The following EFTUD2 variants were observed in gnomAD, a reference collection of about 807,000 sequenced individuals.
EFTUD2 encodes the protein 116 kDa U5 small nuclear ribonucleoprotein component.
Under a neutral mutation model 114.3 loss-of-function variants are expected in EFTUD2, and 9 were observed. The observed-to-expected ratio is 0.08, with a 90% CI of 0.05 to 0.14. EFTUD2 has a LOEUF of 0.14. EFTUD2 is among the 10% of genes least tolerant of loss of function. The probability of loss-of-function intolerance (pLI) is 1.00; values close to 1 mark genes in which losing one functional copy is unlikely to be tolerated. For synonymous variants in EFTUD2, 449 were observed against 462.3 expected (o/e 0.97, Z 0.37); for missense variants, 765 against 1,241.2 (o/e 0.62, Z 5.76).
At chr17:44,881,613 CT>C in intron 7 of EFTUD2, 73 bp downstream of exon 7, 1 of 1,526,318 alleles carries the variant, frequency 6.6e-7, no homozygotes, top group Non-Finnish European at 9.1e-7. Context: ...ATAAAGGCTC[CT>C]CTACATTCCC....
In EFTUD2 at chr17:44,876,021, T is replaced by A. The variant is rs1453811005; in HGVS notation, c.782A>T (p.Asp261Val). Residue 261 changes from aspartate to valine, a missense_variant, in exon 10 of 28, where the codon GAC becomes GTC. Transcript: ENST00000426333. Reference protein sequence around the residue: ...LAVTVCINKIDRLILELKLPP... With the variant: ...LAVTVCINKIVRLILELKLPP... Reference sequence around the variant, plus strand: ...CAGCTTCAGCTCCAGGATCAGCCGGTCAATCTTGTTGATGCACACAGTGAC... The same window carrying A: ...CAGCTTCAGCTCCAGGATCAGCCGGACAATCTTGTTGATGCACACAGTGAC... 1 of 1,614,038 alleles carries A rather than the reference T, an allele frequency of 6.2e-7. No individual in the cohort carries two copies. The highest frequency in any genetic ancestry group is 2.2e-5 in the East Asian group (1 of 44,882).
At chr17:44,885,694 A>T (rs1268774316) in intron 3 of EFTUD2, among the ~76,000 whole-genome samples, 1 of 152,040 alleles carries the variant, frequency 6.6e-6, no homozygotes, top group Non-Finnish European at 1.5e-5. Context: ...ACAGGGTTTC[A>T]CTGTTACCCA....
At chr17:44,897,967 G>A (rs1294092095) in intron 1 of EFTUD2, among the ~76,000 whole-genome samples, 1 of 152,188 alleles carries the variant, frequency 6.6e-6, no homozygotes. Context: ...AATGTTAACT[G>A]AATGGGATGT....
rs758438398 is a variant in EFTUD2 at position 44,875,949 on chromosome 17, A to G, written c.854T>C (p.Val285Ala). Reference protein sequence around the residue: ...YYKLRHIVDEVNGLISMYSTD... With the variant: ...YYKLRHIVDEANGLISMYSTD... ...GGTTTTCTACCTTATTAATCCATTG[A>G]CCTCATCCACAATGTGGCGCAGCTT... is the stretch of plus-strand genomic sequence containing the variant. Residue 285 changes from valine to alanine, a missense_variant, in exon 10 of 28, where the codon GTC becomes GCC. Physicochemically the swap from Val to Ala is moderately conservative, Grantham distance 64 (BLOSUM62 0). Transcript: ENST00000426333. 3.7e-6 allele frequency: 6 copies of G among 1,613,906 alleles called. No individual in the cohort carries two copies. Among genetic ancestry groups the G allele is most frequent in the Non-Finnish European group, 4.2e-6 (5 of 1,179,982 alleles).
rs113021806 is a variant in EFTUD2, at chr17:44,897,561, ATTTTTATT to A, written c.-5+1800_-5+1807del. 4.6e-5 allele frequency among the ~76,000 whole-genome samples: 7 copies of A among 151,994 alleles called. No individual in the cohort carries two copies. The South Asian group carries it at 6.2e-4, about 14-fold the overall frequency. ...TCCTCCAGCTAAGAATGCATTTTACATTTTTATTTTTTTATTTTTTTGAGACGGAGTCC... is the reference window on the plus strand; with the variant it reads ...TCCTCCAGCTAAGAATGCATTTTACATTTTTATTTTTTTGAGACGGAGTCC... On this transcript the variant is annotated intron_variant, in intron 1 of 27. Coordinates refer to ENST00000426333, the MANE Select transcript of EFTUD2 (RefSeq NM_004247.4).
At chr17:44,856,407 G>GTAAT (rs1448360839) in intron 20 of EFTUD2, among the ~76,000 whole-genome samples, 1 of 151,944 alleles carries the variant, frequency 6.6e-6, no homozygotes, top group Non-Finnish European at 1.5e-5. Flanking sequence ...GTGCGTGCAT[G>GTAAT]TAATCCCTGC....
intron 1 of EFTUD2, among the ~76,000 whole-genome samples, chr17:44,897,089 GC>G (rs1490035055): frequency 1.3e-5 from 2 of 151,802 alleles, no homozygotes; most frequent in Non-Finnish European, 2.9e-5. Flanking sequence ...GGTGGTGGGC[GC>G]CCGTAGTCCC....
chr17:44,885,169 T>C, intron 4 of EFTUD2, 87 bp downstream of exon 4: 1 of 1,002,432 alleles, frequency 1.0e-6, no homozygotes, highest in Admixed American at 2.0e-5. Context: ...ATTTACTAGC[T>C]ATTTCAGCCA....
In EFTUD2 at chr17:44,874,448, T is replaced by C. The variant is rs137964316; in HGVS notation, c.869+1486A>G. Among the ~76,000 whole-genome samples the C allele has an allele frequency of 9.3e-4, 142 of 152,300 alleles. 1 individual carries two copies. Among genetic ancestry groups the C allele is most frequent in the African/African-American group, 3.3e-3 (139 of 41,556 alleles). Reference sequence around the variant, plus strand: ...CAGAGATGGGGTGAAGATATTCCTTTTGAAAAGTAGTGCTACACACTGGGA... The same window carrying C: ...CAGAGATGGGGTGAAGATATTCCTTCTGAAAAGTAGTGCTACACACTGGGA... On this transcript the variant is annotated intron_variant, in intron 10 of 27. Coordinates refer to ENST00000426333, the MANE Select transcript of EFTUD2 (RefSeq NM_004247.4).
chr17:44,883,232 T>A, intron 5 of EFTUD2, 74 bp from the exon 6 acceptor site: 2 of 1,370,370 alleles, frequency 1.5e-6, no homozygotes, highest in East Asian at 4.7e-5. Context: ...CAGCTCCCAA[T>A]ACACCACATA....
intron 11 of EFTUD2, 120 bp from the exon 12 acceptor site, chr17:44,868,470 G>A (rs768850426): frequency 1.1e-6 from 1 of 894,058 alleles, no homozygotes; most frequent in South Asian, 1.7e-5. Flanking sequence ...CAGGGTCCAG[G>A]CAGTTCCTTC....
intron 1 of EFTUD2, chr17:44,898,881 T>C (rs1017625438): frequency 6.6e-5 from 10 of 152,210 alleles, no homozygotes; most frequent in Non-Finnish European, 1.3e-4. Context: ...CCTCAATAAG[T>C]ATTTACTGAA....
Position 44,883,132 on chromosome 17 carries a change from T to C in EFTUD2, c.453A>G (p.Glu151=). 1.2e-6 allele frequency: 2 copies of C among 1,614,126 alleles called. No homozygotes were observed. Among genetic ancestry groups the C allele is most frequent in the Non-Finnish European group, 1.7e-6 (2 of 1,180,032 alleles). Reference sequence around the variant, plus strand: ...GCTTTCTGATTTCCGGGTGAGTCTGTTCAATTAAACAATCCACAAAACATG... The same window carrying C: ...GCTTTCTGATTTCCGGGTGAGTCTGCTCAATTAAACAATCCACAAAACATG... ...GKTCFVDCLI[E]QTHPEIRKRY... is the part of the protein sequence containing the mutation. Residue 151 remains glutamate (E), a synonymous_variant, in exon 6 of 28, where the codon GAA becomes GAG. Coordinates refer to ENST00000426333, the MANE Select transcript of EFTUD2 (RefSeq NM_004247.4).
Position 44,854,855 on chromosome 17 carries a change from C to T in EFTUD2, c.2132+63G>A. 6.3e-7 allele frequency: 1 copy of T among 1,576,814 alleles called. No individual in the cohort carries two copies. Among genetic ancestry groups the T allele is most frequent in the Non-Finnish European group, 8.7e-7 (1 of 1,146,848 alleles). ...CAGAAAGATGTGTGCTCTTAGAGAC[C>T]CGGCAGTTAAACTGTGGCATCCCTG... On this transcript the variant is annotated intron_variant, in intron 21 of 27. Transcript: ENST00000426333. The surrounding 1 kb of genome is among the most constrained non-coding windows in gnomAD (Gnocchi z 4.3).
At chr17:44,865,100 G>C (rs758132086) in intron 13 of EFTUD2, 35 bp from the exon 14 acceptor site, 3 of 1,613,054 alleles carry the variant, frequency 1.9e-6, no homozygotes, top group Admixed American at 3.3e-5. Context: ...CAGCTGTAGT[G>C]AGAGCCTGAG....
At position 44,873,880 on chromosome 17, in the gene EFTUD2, C is replaced by T. The variant is rs1401546421; in HGVS notation, c.870-1310G>A. ...CTCAGTAGCTGGGATTACAGGCGCCCGCCACCAAGCCCGGCTAATTTTTTT... is the reference window on the plus strand; with the variant it reads ...CTCAGTAGCTGGGATTACAGGCGCCTGCCACCAAGCCCGGCTAATTTTTTT... On this transcript the variant is annotated intron_variant, in intron 10 of 27. Transcript: ENST00000426333. Among the ~76,000 whole-genome samples, 10 of 150,692 alleles carry T rather than the reference C, an allele frequency of 6.6e-5. 1 individual carries two copies. Among genetic ancestry groups the T allele is most frequent in the Admixed American group, 5.3e-4 (8 of 15,108 alleles).
At position 44,854,531 on chromosome 17, in the gene EFTUD2, C is replaced by T; in HGVS notation, c.2259+25G>A. On this transcript the variant is annotated intron_variant, in intron 22 of 27. Transcript: ENST00000426333. This position sits in a 1 kb window ranked among gnomAD's most constrained non-coding sequence, Gnocchi z 4.3. The stretch of plus-strand genomic sequence containing the variant: ...CACTCCAGAGGTAAGAGACCGCCAC[C>T]CAGTTCCCATCAGTTCTGCTGTACC... 1 of 1,608,468 alleles carries T rather than the reference C, an allele frequency of 6.2e-7. No homozygotes were observed. The highest frequency in any genetic ancestry group is 8.5e-7 in the Non-Finnish European group (1 of 1,176,694).
rs376157050 is a variant in EFTUD2, at chr17:44,862,735, G to A, written c.1585C>T (p.Arg529Cys). The A allele has an allele frequency of 1.9e-6, 3 of 1,613,874 alleles. No individual in the cohort carries two copies. The highest frequency in any genetic ancestry group is 2.2e-5 in the East Asian group (1 of 44,870). The change falls in exon 16 of 28, where the codon CGC becomes TGC. Residue 529 changes from arginine to cysteine, a missense_variant. Arg to Cys is a radical substitution (Grantham distance 180, BLOSUM62 -3). Transcript: ENST00000426333. ...TACCTGGCCACAGAGATCCAAAGGCGGCCCACGGTGCATATCTGGGAGTCT... is the reference window on the plus strand; with the variant it reads ...TACCTGGCCACAGAGATCCAAAGGCAGCCCACGGTGCATATCTGGGAGTCT... ...EEDSQICTVG[R>C]LWISVARYHI...
chr17:44,857,216 T>C, intron 19 of EFTUD2, 59 bp from the exon 20 acceptor site: 2 of 1,469,338 alleles, frequency 1.4e-6, no homozygotes, highest in Non-Finnish European at 1.9e-6. Flanking sequence ...AGGGCAACCA[T>C]TTACCTAAGG....
Sources: allele counts gnomAD v4.1 joint callset (sites outside exome capture counted in the v4.1 genomes callset), GRCh38; gene constraint gnomAD v4.1.1; non-coding constraint Gnocchi (gnomAD v3.1); transcripts MANE v1.5; gene names NCBI Gene and HGNC (gene_info 2026-07-23, HGNC 2026-07-21).